ZNF232: variants seen among roughly 807,000 people sequenced by gnomAD.
The protein encoded by ZNF232 is zinc finger protein 232.
A neutral mutation model predicts 25.2 loss-of-function variants in ZNF232; 25 were observed. That is an observed-to-expected ratio of 0.99 (90% CI 0.72 to 1.39). The LOEUF (loss-of-function observed/expected upper bound fraction) is 1.39. Among genes scored for constraint, ZNF232 ranks in the 40% most tolerant of loss-of-function variants. The pLI is 0.00. For missense variants in ZNF232, 519 were observed against 520.9 expected, an observed-to-expected ratio of 1.00 and a Z score of 0.04; for synonymous variants, 193 against 182.9, an observed-to-expected ratio of 1.06 and a Z score of -0.45.
rs1008478000 is a variant in ZNF232 at position 5,108,771 on chromosome 17, G to A, written c.625+155C>T. 1.1e-5 allele frequency: 13 copies of A among 1,209,238 alleles called. No homozygotes were observed. In the African/African-American group the frequency reaches 2.0e-4, roughly 18 times the overall value. The allele number at this position is 1,209,238 out of a possible 1,614,324, so 74.9% of individuals were successfully genotyped here. A position where few individuals can be genotyped will look rare whatever the true frequency, so the allele number is the denominator to read the frequency against. On this transcript the variant is annotated intron_variant, in intron 3 of 3. Coordinates refer to ENST00000575898, the Ensembl canonical transcript of ZNF232. ...TCCTAATTTTATGAGTGATGAAACA[G>A]GCAAAGTCTCTCACCTAAGAGATAA...
exon 2 of ZNF232, chr17:5,109,611 C>A (rs767222432): frequency 6.2e-7 from 1 of 1,614,184 alleles, no homozygotes; most frequent in Non-Finnish European, 8.5e-7. Flanking sequence ...CAAGGCCTCC[C>A]GGGGACCAGG....
intron 1 of ZNF232, among the ~76,000 whole-genome samples, chr17:5,110,472 T>G: frequency 6.6e-6 from 1 of 152,288 alleles, no homozygotes; most frequent in East Asian, 1.9e-4. Flanking sequence ...AGAAATAAGT[T>G]TGAAGCAAAA....
chr17:5,107,566 T>C (rs2072292676), intron 3 of ZNF232, among the ~76,000 whole-genome samples: 1 of 138,794 alleles, frequency 7.2e-6, no homozygotes, highest in Admixed American at 7.4e-5. Flanking sequence ...TTTGACAGAG[T>C]CTTGCTCTGT....
chr17:5,109,751 C>T, exon 2 of ZNF232: 1 of 1,614,226 alleles, frequency 6.2e-7, no homozygotes, highest in Non-Finnish European at 8.5e-7. Context: ...TCATCATCTT[C>T]TCTTGTCCCT....
chr17:5,107,285 G>A (rs1174034634), intron 3 of ZNF232, among the ~76,000 whole-genome samples: 1 of 150,614 alleles, frequency 6.6e-6, no homozygotes, highest in Non-Finnish European at 1.5e-5. Context: ...CTACTCAGGA[G>A]GCTGAGGCAG....
At chr17:5,108,215 T>C (rs2072308644) in intron 3 of ZNF232, among the ~76,000 whole-genome samples, 1 of 152,182 alleles carries the variant, frequency 6.6e-6, no homozygotes, top group Admixed American at 6.5e-5. Flanking sequence ...AGACTCTTCT[T>C]GGTTAGCCGC....
At chr17:5,112,188 A>G, upstream of ZNF232, 1 of 344,966 alleles carries the variant, frequency 2.9e-6, no homozygotes, top group South Asian at 5.1e-5. Flanking sequence ...GTGCTGGCGG[A>G]CAGATGTCAG....
intron 3 of ZNF232, among the ~76,000 whole-genome samples, chr17:5,108,414 A>C (rs2072313966): frequency 6.6e-6 from 1 of 152,130 alleles, no homozygotes; most frequent in African/African-American, 2.4e-5. Flanking sequence ...AGAGTTTCAG[A>C]TAGGGCTGTT....
In ZNF232 at chr17:5,109,465, G is replaced by A. The variant is rs771170164; in HGVS notation, c.427C>T (p.His143Tyr). Residue 143 changes from histidine to tyrosine, a missense_variant, in exon 2 of 4, where the codon CAC becomes TAC. Coordinates refer to ENST00000575898, the Ensembl canonical transcript of ZNF232. ...ACAGCCTCCTCTCCACTCTTAGGGT[G>A]ATGTCCCCGCACCCAGGATTGGAGC... The A allele has an allele frequency of 1.3e-5, 21 of 1,614,008 alleles. No homozygotes were observed. The South Asian group carries it at 2.2e-4, about 17-fold the overall frequency.
At chr17:5,112,075 C>T (rs1163999955), upstream of ZNF232, 7 of 577,232 alleles carry the variant, frequency 1.2e-5, no homozygotes, top group Admixed American at 3.3e-5. Context: ...GCCCTGGAGG[C>T]CCCTGGGAAT....
chr17:5,112,960 A>G (rs1261185988), upstream of ZNF232, among the ~76,000 whole-genome samples: 1 of 113,604 alleles, frequency 8.8e-6, no homozygotes, highest in Non-Finnish European at 1.8e-5. Context: ...CTCCGTCTCA[A>G]AAAAAAAATT....
At chr17:5,105,778 A>G (rs757164316) in exon 4 of ZNF232, 2 of 1,496,548 alleles carry the variant, frequency 1.3e-6, no homozygotes, top group Non-Finnish European at 1.8e-6. Flanking sequence ...CCTAAAGTAG[A>G]TTAGACCGAT....
intron 1 of ZNF232, among the ~76,000 whole-genome samples, chr17:5,119,643 C>CCTTGAGGCTCAGCTCA (rs1380741135): frequency 6.6e-6 from 1 of 152,144 alleles, no homozygotes; most frequent in Non-Finnish European, 1.5e-5. Flanking sequence ...TTCATTTGTC[C>CCTTGAGGCTCAGCTCA]CTTGAGGCTC....
Position 5,109,382 on chromosome 17 carries a change from C to T in ZNF232, c.498+12G>A, listed in dbSNP as rs931954192. Reference sequence around the variant, plus strand: ...ATCTGGCTCCCATAACAGACCAAATCCCCCTTCCCACCTGCGGCTCTGGTT... The same window carrying T: ...ATCTGGCTCCCATAACAGACCAAATTCCCCTTCCCACCTGCGGCTCTGGTT... On this transcript the variant is annotated intron_variant, in intron 2 of 3. Transcript: ENST00000575898. 5.0e-6 allele frequency: 8 copies of T among 1,614,104 alleles called. No homozygotes were observed. The highest frequency in any genetic ancestry group is 6.8e-6 in the Non-Finnish European group (8 of 1,179,996).
chr17:5,115,835 G>T (rs2072522497), upstream of ZNF232, among the ~76,000 whole-genome samples: 1 of 152,158 alleles, frequency 6.6e-6, no homozygotes, highest in South Asian at 2.1e-4. Context: ...GCCTCCCGGG[G>T]ACACAGCCCG....
intron 1 of ZNF232, among the ~76,000 whole-genome samples, chr17:5,119,344 C>G (rs3893993): frequency 0.32 from 48,192 of 152,166 alleles, 9,730 homozygotes; most frequent in Non-Finnish European, 0.45. Context: ...TTGGACATTA[C>G]TACATTAGCT....
rs1246391089 is a variant in ZNF232 at position 5,109,286 on chromosome 17, C to T, written c.498+108G>A. Reference sequence around the variant, plus strand: ...CAGAAACACATACTAACTGCTCTACCTGGCCCAAGAGAGGTTTGAACTTGG... The same window carrying T: ...CAGAAACACATACTAACTGCTCTACTTGGCCCAAGAGAGGTTTGAACTTGG... On this transcript the variant is annotated intron_variant, in intron 2 of 3. Transcript: ENST00000575898. 3.6e-6 allele frequency: 5 copies of T among 1,383,002 alleles called. No individual in the cohort carries two copies. In the African/African-American group the frequency reaches 5.7e-5, roughly 16 times the overall value. 85.7% of individuals were successfully genotyped at this position (1,383,002 alleles called of 1,614,324 possible). A position where few individuals can be genotyped will look rare whatever the true frequency, so the allele number is the denominator to read the frequency against.
upstream of ZNF232, among the ~76,000 whole-genome samples, chr17:5,112,743 TA>T (rs2072447805): frequency 6.6e-6 from 1 of 151,890 alleles, no homozygotes; most frequent in African/African-American, 2.4e-5. Context: ...CCCGGCCGAT[TA>T]TTTTTTATTT....
At chr17:5,108,858 G>A in intron 3 of ZNF232, 68 bp downstream of exon 3, 1 of 1,608,852 alleles carries the variant, frequency 6.2e-7, no homozygotes, top group Non-Finnish European at 8.5e-7. Flanking sequence ...CCCTTTACAG[G>A]TACTAGGTAC....
Sources: allele counts gnomAD v4.1 joint callset (sites outside exome capture counted in the v4.1 genomes callset), GRCh38; gene constraint gnomAD v4.1.1; transcripts MANE v1.5; gene names NCBI Gene and HGNC (gene_info 2026-07-23, HGNC 2026-07-21).